The following OR3A2 variants were observed in gnomAD, a reference collection of about 807,000 sequenced individuals.
OR3A2 encodes the protein olfactory receptor 3A2.
For synonymous variants in OR3A2, 126 were observed against 159.3 expected, an observed-to-expected ratio of 0.79 and a Z score of 1.57; for missense variants, 318 against 392.8, an observed-to-expected ratio of 0.81 and a Z score of 1.61.
At chr17:3,327,769 A>T in intron 3 of OR3A2, among the ~76,000 whole-genome samples, 1 of 135,520 alleles carries the variant, frequency 7.4e-6, no homozygotes, top group East Asian at 2.5e-4. Flanking sequence ...TCAGCTTTCT[A>T]CATATGGCTA....
chr17:3,326,809 T>A (rs953650433), intron 3 of OR3A2, among the ~76,000 whole-genome samples: 2 of 142,326 alleles, frequency 1.4e-5, no homozygotes, highest in African/African-American at 5.4e-5. Flanking sequence ...CAGTGTTTGG[T>A]TTTTTGTTCT....
At chr17:3,383,767 A>T (rs963750819) in intron 2 of OR3A2, 1 of 152,174 alleles carries the variant, frequency 6.6e-6, no homozygotes, top group Admixed American at 6.6e-5. Context: ...ATGATAGAGA[A>T]GCAGCAAAAT....
chr17:3,312,031 G>A (rs1191979367), intron 3 of OR3A2: 5 of 153,262 alleles, frequency 3.3e-5, no homozygotes, highest in Non-Finnish European at 5.8e-5. Context: ...CCTCAGCGTC[G>A]GGTCATAAAA....
At chr17:3,354,085 A>AT (rs1207217246) in intron 2 of OR3A2, among the ~76,000 whole-genome samples, 1 of 151,652 alleles carries the variant, frequency 6.6e-6, no homozygotes, top group African/African-American at 2.4e-5. Context: ...ATTGGCTAGC[A>AT]TTTTGTTGAA....
At chr17:3,292,394 G>A (rs774561559) in intron 3 of OR3A2, 9 of 1,614,004 alleles carry the variant, frequency 5.6e-6, no homozygotes, top group Non-Finnish European at 6.8e-6. Flanking sequence ...CCAGGAAGAA[G>A]TACATGGGGG....
intron 2 of OR3A2, among the ~76,000 whole-genome samples, chr17:3,379,041 TCA>T (rs1159000130): frequency 6.6e-6 from 1 of 152,136 alleles, no homozygotes; most frequent in Non-Finnish European, 1.5e-5. Flanking sequence ...CTTGAATATC[TCA>T]CTCATTCCAC....
Position 3,359,037 on chromosome 17 carries a change from CTTCT to C in OR3A2, c.-178-22915_-178-22912del, listed in dbSNP as rs557387195. ...GAACCCTTTACCATTGTGTAGTGTCCTTCTTTGTCTTTTTTGATATTTGTTGGTT... is the reference window on the plus strand; with the variant it reads ...GAACCCTTTACCATTGTGTAGTGTCCTTGTCTTTTTTGATATTTGTTGGTT... On this transcript the variant is annotated intron_variant, in intron 2 of 4. Transcript: ENST00000573491. Among the ~76,000 whole-genome samples the C allele has an allele frequency of 9.9e-5, 15 of 151,742 alleles. 1 individual carries two copies. Among genetic ancestry groups the C allele is most frequent in the South Asian group, 2.1e-4 (1 of 4,822 alleles).
chr17:3,341,696 A>G (rs920383674), intron 2 of OR3A2, among the ~76,000 whole-genome samples: 1 of 151,840 alleles, frequency 6.6e-6, no homozygotes, highest in African/African-American at 2.4e-5. Flanking sequence ...TGCCCTTAAC[A>G]TTTTTTCTTT....
At chr17:3,290,802 G>C (rs1006250618) in intron 3 of OR3A2, among the ~76,000 whole-genome samples, 1 of 152,234 alleles carries the variant, frequency 6.6e-6, no homozygotes, top group African/African-American at 2.4e-5. Flanking sequence ...TCTCAGCAAG[G>C]AGGTTTGGAG....
intron 1 of OR3A2, among the ~76,000 whole-genome samples, chr17:3,280,331 G>A (rs2048769375): frequency 6.6e-6 from 1 of 151,632 alleles, no homozygotes; most frequent in Admixed American, 6.6e-5. Context: ...GAGTGCAGTG[G>A]CGCGATCTCG....
chr17:3,341,929 A>G (rs1012265740), intron 2 of OR3A2, among the ~76,000 whole-genome samples: 2 of 152,186 alleles, frequency 1.3e-5, no homozygotes, highest in Non-Finnish European at 2.9e-5. Flanking sequence ...GTCTTTTCAC[A>G]TAGTCCCATA....
intron 3 of OR3A2, among the ~76,000 whole-genome samples, chr17:3,297,276 G>A (rs1049545281): frequency 2.6e-5 from 4 of 152,158 alleles, no homozygotes; most frequent in African/African-American, 7.2e-5. Context: ...AATACTCTGT[G>A]AATTGACATA....
At chr17:3,323,904 T>G (rs1256509716) in intron 3 of OR3A2, among the ~76,000 whole-genome samples, 1 of 152,066 alleles carries the variant, frequency 6.6e-6, no homozygotes, top group Non-Finnish European at 1.5e-5. Flanking sequence ...AATGTCGGCC[T>G]GCCTTGCTAG....
chr17:3,347,314 T>C (rs561745757), intron 2 of OR3A2, among the ~76,000 whole-genome samples: 3 of 152,320 alleles, frequency 2.0e-5, no homozygotes, highest in Non-Finnish European at 4.4e-5. Context: ...TACATATGTA[T>C]ACATGTGCCA....
At chr17:3,295,802 C>A (rs1346521019) in intron 3 of OR3A2, among the ~76,000 whole-genome samples, 1 of 151,588 alleles carries the variant, frequency 6.6e-6, no homozygotes, top group Non-Finnish European at 1.5e-5. Context: ...TGTTTGAATT[C>A]AAAAAAGTCA....
intron 2 of OR3A2, among the ~76,000 whole-genome samples, chr17:3,363,451 C>A (rs569601544): frequency 6.6e-6 from 1 of 151,794 alleles, no homozygotes; most frequent in African/African-American, 2.4e-5. Flanking sequence ...TCAATAAGTT[C>A]CTCATCACCA....
rs569985322 is a variant in OR3A2, at chr17:3,279,683, T to G, written c.-6-760A>C. Among the ~76,000 whole-genome samples, 5 of 152,178 alleles carry G rather than the reference T, an allele frequency of 3.3e-5. No homozygotes were observed. The South Asian group carries it at 1.0e-3, about 32-fold the overall frequency. On this transcript the variant is annotated intron_variant, in intron 1 of 1. Transcript: ENST00000642052. ...GGCACTTGTAATCCTAGCTACTCAGTAGGCTGAGGCAGGAGAATCGCTTGA... is the reference window on the plus strand; with the variant it reads ...GGCACTTGTAATCCTAGCTACTCAGGAGGCTGAGGCAGGAGAATCGCTTGA...
At chr17:3,355,758 T>C (rs772523847) in intron 2 of OR3A2, among the ~76,000 whole-genome samples, 1 of 151,488 alleles carries the variant, frequency 6.6e-6, no homozygotes, top group Non-Finnish European at 1.5e-5. Flanking sequence ...GTCTCATGTA[T>C]TCATCCACTC....
intron 3 of OR3A2, chr17:3,292,300 C>CT (rs1163629176): frequency 1.4e-5 from 23 of 1,614,164 alleles, no homozygotes; most frequent in Non-Finnish European, 1.6e-5. Flanking sequence ...CCACAGGGAA[C>CT]TGCACGCTTG....
Sources: gnomAD v4.1 joint callset for allele counts (sites outside exome capture counted in the v4.1 genomes callset) on GRCh38, gnomAD v4.1.1 for gene constraint, MANE v1.5 for transcripts, NCBI Gene and HGNC (gene_info 2026-07-23, HGNC 2026-07-21) for gene names.